The following DOCK1 variants were observed in gnomAD, a reference collection of about 807,000 sequenced individuals.
DOCK1 encodes the protein dedicator of cytokinesis protein 1.
DOCK1 carries 138 observed loss-of-function variants against 262.7 expected under a neutral mutation model. That is an observed-to-expected ratio of 0.53 (90% CI 0.46 to 0.61). DOCK1 has a LOEUF of 0.61. DOCK1 is among the 20% of genes least tolerant of loss of function. DOCK1 has a pLI of 0.00. For missense variants in DOCK1, 1,908 were observed against 2,370.7 expected, an observed-to-expected ratio of 0.80 and a Z score of 4.05; for synonymous variants, 866 against 867.4, an observed-to-expected ratio of 1.00 and a Z score of 0.03.
rs563221239 is a variant in DOCK1, at chr10:127,240,919, G to C, written c.2848-7089G>C. Among the ~76,000 whole-genome samples, 14 of 152,334 alleles carry C rather than the reference G, an allele frequency of 9.2e-5. No individual in the cohort carries two copies. In the South Asian group the frequency reaches 2.9e-3, roughly 32 times the overall value. On this transcript the variant is annotated intron_variant, in intron 27 of 51. Transcript: ENST00000623213. ...TATTTTAAATCTGAGAAATATGATA[G>C]TTATAAGGGCAAATCGTTTGACTTG...
intron 27 of DOCK1, among the ~76,000 whole-genome samples, chr10:127,186,450 A>C (rs934975817): frequency 4.8e-5 from 7 of 145,458 alleles, no homozygotes; most frequent in Non-Finnish European, 1.0e-4. Context: ...TCCGATAGAC[A>C]ACCATCAGAT....
chr10:126,928,500 C>CCATGTGAGGATGGAGGCAGAAG (rs2033941770), intron 1 of DOCK1, among the ~76,000 whole-genome samples: 18 of 151,536 alleles, frequency 1.2e-4, no homozygotes, highest in African/African-American at 4.4e-4. Context: ...GAGAACTCAG[C>CCATGTGAGGATGGAGGCAGAAG]TGTGTCCTGA....
rs11018084 is a variant in DOCK1 at position 127,438,943 on chromosome 10, G to A, written c.5061-84G>A. 3,156 of 1,351,068 alleles carry A rather than the reference G, an allele frequency of 2.3e-3. 52 individuals are homozygous for A. The African/African-American group carries it at 0.04, about 17-fold the overall frequency. The allele number at this position is 1,351,068 out of a possible 1,614,324, so 83.7% of individuals were successfully genotyped here. A position where few individuals can be genotyped will look rare whatever the true frequency, so the allele number is the denominator to read the frequency against. ...CACTGCTTTCATTGTAAATGTCTTC[G>A]ATGGATTGTGAGTGACTTTACACGT... is the stretch of plus-strand genomic sequence containing the variant. On this transcript the variant is annotated intron_variant, in intron 48 of 51. Coordinates refer to ENST00000623213, the MANE Select transcript of DOCK1 (RefSeq NM_001290223.2).
chr10:127,195,057 CCCCCACTCCTG>C (rs536121670), intron 27 of DOCK1, among the ~76,000 whole-genome samples: 1 of 152,326 alleles, frequency 6.6e-6, no homozygotes, highest in South Asian at 2.1e-4. Flanking sequence ...CACCTCTCCT[CCCCCACTCCTG>C]GCATCTCTTT....
At chr10:127,110,714 T>A (rs147101097) in intron 25 of DOCK1, among the ~76,000 whole-genome samples, 187 of 152,352 alleles carry the variant, frequency 1.2e-3, no homozygotes, top group African/African-American at 4.4e-3. Context: ...TTTCTTTAAA[T>A]CTGAAAGTAA....
At chr10:127,347,086 C>A (rs2063666959) in intron 31 of DOCK1, among the ~76,000 whole-genome samples, 1 of 152,234 alleles carries the variant, frequency 6.6e-6, no homozygotes, top group Non-Finnish European at 1.5e-5. Context: ...CCTTCATAGT[C>A]CATTTGCAAA....
chr10:127,127,530 T>C lies in DOCK1; in HGVS notation c.2752-139T>C, dbSNP rs370267614. 30 of 509,484 alleles carry C rather than the reference T, an allele frequency of 5.9e-5. No individual in the cohort carries two copies. The South Asian group carries it at 1.9e-3, about 33-fold the overall frequency. 31.6% of individuals were successfully genotyped at this position (509,484 alleles called of 1,614,324 possible). On this transcript the variant is annotated intron_variant, in intron 26 of 51. Transcript: ENST00000623213. ...GTTTTTTTGTGAGAGCTTTTGCCTT[T>C]GACAAGGGCCATTTTTCATCTCATT...
chr10:127,340,136 A>T (rs1381125795), intron 30 of DOCK1, among the ~76,000 whole-genome samples: 1 of 152,188 alleles, frequency 6.6e-6, no homozygotes, highest in Non-Finnish European at 1.5e-5. Context: ...ATAATATATC[A>T]GGTGCCATAT....
chr10:127,170,622 A>G (rs943596410), intron 27 of DOCK1, among the ~76,000 whole-genome samples: 16 of 134,068 alleles, frequency 1.2e-4, no homozygotes, highest in African/African-American at 3.9e-4. Flanking sequence ...AGTTTACCCA[A>G]TGAGCCACCA....
intron 29 of DOCK1, among the ~76,000 whole-genome samples, chr10:127,314,792 G>A (rs1420374448): frequency 6.6e-6 from 1 of 152,190 alleles, no homozygotes; most frequent in African/African-American, 2.4e-5. Flanking sequence ...TCATTGCCAT[G>A]TGTGTGCTGA....
At chr10:127,261,080 C>A (rs1368780001) in intron 29 of DOCK1, among the ~76,000 whole-genome samples, 6 of 106,224 alleles carry the variant, frequency 5.6e-5, no homozygotes, top group African/African-American at 1.6e-4. Flanking sequence ...TGTGTGTGTA[C>A]CTGTGCTCAT....
At chr10:127,164,337 C>T (rs1405724188) in intron 27 of DOCK1, among the ~76,000 whole-genome samples, 1 of 151,882 alleles carries the variant, frequency 6.6e-6, no homozygotes, top group Non-Finnish European at 1.5e-5. Context: ...GTGCCCGCCA[C>T]CACACCCCAC....
intron 38 of DOCK1, among the ~76,000 whole-genome samples, chr10:127,397,959 C>T (rs950122200): frequency 1.3e-5 from 2 of 152,178 alleles, no homozygotes; most frequent in Non-Finnish European, 2.9e-5. Context: ...CAGGAAGCGA[C>T]TCCTGTATTA....
chr10:127,304,398 A>T (rs779496107), intron 29 of DOCK1, among the ~76,000 whole-genome samples: 1 of 152,182 alleles, frequency 6.6e-6, no homozygotes, highest in Non-Finnish European at 1.5e-5. Flanking sequence ...TTGTATTTTC[A>T]CTAACCTTAC....
At chr10:127,337,663 C>T (rs930812871) in intron 29 of DOCK1, among the ~76,000 whole-genome samples, 10 of 152,196 alleles carry the variant, frequency 6.6e-5, no homozygotes, top group Non-Finnish European at 1.5e-4. Context: ...CTTAGAAACA[C>T]TAATTCCTCC....
intron 29 of DOCK1, among the ~76,000 whole-genome samples, chr10:127,335,573 A>AGTCTTGCTCT (rs1364720250): frequency 6.7e-6 from 1 of 150,108 alleles, no homozygotes; most frequent in East Asian, 2.0e-4. Flanking sequence ...TTTGAGATGG[A>AGTCTTGCTCT]GTCTTGCTCT....
intron 27 of DOCK1, among the ~76,000 whole-genome samples, chr10:127,220,657 G>A (rs529042838): frequency 1.3e-4 from 20 of 152,084 alleles, no homozygotes; most frequent in African/African-American, 1.4e-4. Context: ...AGGAGCGATC[G>A]GTGTCCCCAG....
intron 46 of DOCK1, among the ~76,000 whole-genome samples, chr10:127,424,226 CG>C (rs1309666518): frequency 6.6e-6 from 1 of 152,186 alleles, no homozygotes; most frequent in African/African-American, 2.4e-5. Context: ...TTCCCATCAA[CG>C]TCAGGAACTG....
intron 27 of DOCK1, among the ~76,000 whole-genome samples, chr10:127,183,350 G>C (rs1015014591): frequency 6.6e-6 from 1 of 152,104 alleles, no homozygotes; most frequent in Non-Finnish European, 1.5e-5. Flanking sequence ...CCATCAACTC[G>C]ACCATCAGAA....
Sources: allele counts gnomAD v4.1 joint callset (sites outside exome capture counted in the v4.1 genomes callset), GRCh38; gene constraint gnomAD v4.1.1; transcripts MANE v1.5; gene names NCBI Gene and HGNC (gene_info 2026-07-23, HGNC 2026-07-21).